INSC: variants seen among roughly 807,000 people sequenced by gnomAD.
The protein encoded by INSC is protein inscuteable homolog.
Under a neutral mutation model 58.6 loss-of-function variants are expected in INSC, and 67 were observed. The ratio of observed to expected loss-of-function variants is 1.14; its 90% CI spans 0.94 to 1.40. The LOEUF (loss-of-function observed/expected upper bound fraction) is 1.40, where lower values mean the gene tolerates loss of function less well. Ranked by LOEUF, INSC falls within the 40% of genes most tolerant of loss-of-function variation. The pLI is 0.00. For synonymous variants in INSC, 262 were observed against 276.1 expected, an observed-to-expected ratio of 0.95 and a Z score of 0.51; for missense variants, 714 against 692.0, an observed-to-expected ratio of 1.03 and a Z score of -0.36.
At chr11:15,146,302 G>T (rs181974767) in intron 1 of INSC, among the ~76,000 whole-genome samples, 2 of 152,300 alleles carry the variant, frequency 1.3e-5, no homozygotes, top group Admixed American at 6.5e-5. Context: ...GACCATGCAG[G>T]TCTTTGGGTC....
chr11:15,160,821 T>C (rs1251448604), intron 2 of INSC, among the ~76,000 whole-genome samples: 1 of 152,192 alleles, frequency 6.6e-6, no homozygotes, highest in Non-Finnish European at 1.5e-5. Flanking sequence ...CAAGTTCCAT[T>C]AGGGTGCTGG....
the INSC span, among the ~76,000 whole-genome samples, chr11:15,255,351 AAGG>A: frequency 1.1e-4 from 17 of 152,048 alleles, no homozygotes; most frequent in East Asian, 2.3e-3. Context: ...TTTCAGGGAG[AAGG>A]AGAATAGGCA....
Position 15,246,378 on chromosome 11 carries a change from T to C in INSC, c.*338T>C, listed in dbSNP as rs541421762. On this transcript the variant is annotated 3_prime_UTR_variant, in exon 13 of 13. Coordinates refer to ENST00000379556, the MANE Select transcript of INSC (RefSeq NM_001042536.3). Reference sequence around the variant, plus strand: ...CAATCTTGCCTCATTTTTTAAAACTTTGGAACCAGAGGATTTCAACTGCCT... The same window carrying C: ...CAATCTTGCCTCATTTTTTAAAACTCTGGAACCAGAGGATTTCAACTGCCT... 1.4e-3 allele frequency: 230 copies of C among 161,274 alleles called. No individual in the cohort carries two copies. The highest frequency in any genetic ancestry group is 5.3e-3 in the African/African-American group (220 of 41,894). 10.0% of individuals were successfully genotyped at this position (161,274 alleles called of 1,614,324 possible).
intron 7 of INSC, among the ~76,000 whole-genome samples, chr11:15,205,979 C>T (rs1446204397): frequency 2.0e-5 from 3 of 152,118 alleles, no homozygotes; most frequent in South Asian, 4.1e-4. Flanking sequence ...GTCTGACAGG[C>T]GTTTTGAGGC....
At chr11:15,152,996 A>G (rs117432408) in intron 2 of INSC, among the ~76,000 whole-genome samples, 3,285 of 152,330 alleles carry the variant, frequency 0.022, 61 homozygotes, top group Middle Eastern at 0.034. Flanking sequence ...TTTTCCATAA[A>G]CAAATCATTT....
chr11:15,226,122 C>A (rs1435367916), intron 9 of INSC, among the ~76,000 whole-genome samples: 1 of 152,098 alleles, frequency 6.6e-6, no homozygotes, highest in East Asian at 1.9e-4. Context: ...CTCCTACCTG[C>A]TTTGCCCATC....
chr11:15,188,410 G>A (rs1850050753), intron 5 of INSC: 1 of 960,454 alleles, frequency 1.0e-6, no homozygotes, highest in Admixed American at 6.2e-5. Flanking sequence ...GAGGGGTCAG[G>A]GCCCGGCTCC....
In INSC at chr11:15,145,020, G is replaced by A. The variant is rs145496929; in HGVS notation, c.-45-4110G>A. ...AATTAGGAAAGGCCCTGGGATAGGT[G>A]ATGGAGGGATTTCTTCTTCCCTGCT... On this transcript the variant is annotated intron_variant, in intron 1 of 12. Coordinates refer to ENST00000379556, the MANE Select transcript of INSC (RefSeq NM_001042536.3). 3.2e-3 allele frequency among the ~76,000 whole-genome samples: 482 copies of A among 152,324 alleles called. 4 individuals carry two copies. Among genetic ancestry groups the A allele is most frequent in the African/African-American group, 0.011 (459 of 41,570 alleles).
chr11:15,254,539 C>T, the INSC span, among the ~76,000 whole-genome samples: 1 of 152,150 alleles, frequency 6.6e-6, no homozygotes, highest in South Asian at 2.1e-4. Context: ...TTGGGCAAGA[C>T]ACATACCTCC....
At chr11:15,251,400 G>T (rs1590025504), downstream of INSC, among the ~76,000 whole-genome samples, 1 of 152,264 alleles carries the variant, frequency 6.6e-6, no homozygotes, top group Admixed American at 6.5e-5. Flanking sequence ...AGAACAAATA[G>T]ATAAATTGGA....
intron 2 of INSC, among the ~76,000 whole-genome samples, chr11:15,170,090 A>G (rs1247163757): frequency 6.6e-6 from 1 of 152,220 alleles, no homozygotes; most frequent in African/African-American, 2.4e-5. Context: ...ATTACTTATA[A>G]TACCTAATAC....
At chr11:15,252,558 C>T in the INSC span, among the ~76,000 whole-genome samples, 12 of 152,128 alleles carry the variant, frequency 7.9e-5, no homozygotes, top group Non-Finnish European at 1.3e-4. Context: ...GCTGCTTCAG[C>T]GTCCTCTTGA....
chr11:15,261,600 T>G, the INSC span, among the ~76,000 whole-genome samples: 1 of 152,322 alleles, frequency 6.6e-6, no homozygotes, highest in African/African-American at 2.4e-5. Context: ...TGGTAACTAC[T>G]AAGTGGAAGA....
Position 15,122,362 on chromosome 11 carries a change from G to A in INSC, c.-46+7359G>A, listed in dbSNP as rs560282075. Among the ~76,000 whole-genome samples the A allele has an allele frequency of 1.6e-4, 24 of 152,206 alleles. No homozygotes were observed. In the South Asian group the frequency reaches 4.8e-3, roughly 30 times the overall value. Reference sequence around the variant, plus strand: ...TAATTATTCATACAGTAATTACCAGGGCCTGAACTAAGTTCGAATGAAGAG... The same window carrying A: ...TAATTATTCATACAGTAATTACCAGAGCCTGAACTAAGTTCGAATGAAGAG... On this transcript the variant is annotated intron_variant, in intron 1 of 12. Transcript: ENST00000379556.
At chr11:15,155,118 C>T (rs1346560505) in intron 2 of INSC, among the ~76,000 whole-genome samples, 2 of 152,212 alleles carry the variant, frequency 1.3e-5, no homozygotes, top group African/African-American at 4.8e-5. Flanking sequence ...TCCTAGCATT[C>T]TAACATTCTG....
the INSC span, among the ~76,000 whole-genome samples, chr11:15,269,305 T>C: frequency 1.3e-5 from 2 of 152,084 alleles, no homozygotes; most frequent in Non-Finnish European, 2.9e-5. Context: ...GTCATGGTTA[T>C]GAGACTTCAT....
At chr11:15,199,834 G>A (rs543564669) in intron 6 of INSC, among the ~76,000 whole-genome samples, 1 of 152,302 alleles carries the variant, frequency 6.6e-6, no homozygotes, top group South Asian at 2.1e-4. Context: ...TCTGGGCAAA[G>A]CGAGATGTGG....
At chr11:15,140,874 T>C (rs116602158) in intron 1 of INSC, among the ~76,000 whole-genome samples, 4,954 of 152,204 alleles carry the variant, frequency 0.033, 283 homozygotes, top group African/African-American at 0.11. Flanking sequence ...TGTGAGCCAC[T>C]GCACACAGCC....
chr11:15,148,432 C>A (rs1229567519), intron 1 of INSC, among the ~76,000 whole-genome samples: 1 of 152,196 alleles, frequency 6.6e-6, no homozygotes, highest in Non-Finnish European at 1.5e-5. Flanking sequence ...TGAATATGCT[C>A]CCTTGTTCGG....
Sources: allele counts gnomAD v4.1 joint callset (sites outside exome capture counted in the v4.1 genomes callset), GRCh38; gene constraint gnomAD v4.1.1; transcripts MANE v1.5; gene names NCBI Gene and HGNC (gene_info 2026-07-23, HGNC 2026-07-21).